CDH9: variants seen among roughly 807,000 people sequenced by gnomAD.
The protein encoded by CDH9 is cadherin 9, also known as cadherin-9.
A neutral mutation model predicts 70.9 loss-of-function variants in CDH9; 28 were observed. The ratio of observed to expected loss-of-function variants is 0.40; its 90% CI spans 0.29 to 0.54. The LOEUF (loss-of-function observed/expected upper bound fraction) is 0.54. Among genes scored for constraint, CDH9 ranks in the 20% least tolerant of loss-of-function variants. CDH9 has a pLI of 0.59. For synonymous variants in CDH9, 409 were observed against 343.1 expected (o/e 1.19, Z -2.12); for missense variants, 874 against 984.4 (o/e 0.89, Z 1.50).
rs1741135126 is a variant in CDH9 at position 26,915,652 on chromosome 5, A to G, written c.501T>C (p.Ser167=). The part of the protein sequence containing the change: ...PKFTKDLYTA[S]VPEMSGVGTS... ...TACCGACTCCAGACATTTCAGGAACACTGGCAGTGTATAAGTCTTTTGTAA... is the reference window on the plus strand; with the variant it reads ...TACCGACTCCAGACATTTCAGGAACGCTGGCAGTGTATAAGTCTTTTGTAA... Residue 167 remains serine (S), a synonymous_variant, in exon 3 of 12, where the codon AGT becomes AGC. Coordinates refer to ENST00000231021, the MANE Select transcript of CDH9 (RefSeq NM_016279.4). 6.3e-7 allele frequency: 1 copy of G among 1,599,788 alleles called. No individual in the cohort carries two copies. Among genetic ancestry groups the G allele is most frequent in the African/African-American group, 1.3e-5 (1 of 74,600 alleles).
chr5:26,923,985 G>T (rs1741292586), intron 2 of CDH9, among the ~76,000 whole-genome samples: 1 of 151,746 alleles, frequency 6.6e-6, no homozygotes, highest in Non-Finnish European at 1.5e-5. Flanking sequence ...TACATCATAA[G>T]ACACTGAAAA....
intron 1 of CDH9, among the ~76,000 whole-genome samples, chr5:26,989,676 T>C (rs771753381): frequency 1.3e-5 from 2 of 152,082 alleles, no homozygotes; most frequent in Non-Finnish European, 2.9e-5. Flanking sequence ...AATTGGAGTT[T>C]TAAAAATCCT....
chr5:26,914,967 G>C (rs114264965), intron 3 of CDH9, among the ~76,000 whole-genome samples: 488 of 151,976 alleles, frequency 3.2e-3, no homozygotes, highest in Middle Eastern at 6.8e-3. Context: ...ATAAAACTCC[G>C]CACAAGTGGT....
intron 1 of CDH9, among the ~76,000 whole-genome samples, chr5:27,006,161 G>A (rs1034381944): frequency 2.0e-5 from 3 of 151,728 alleles, no homozygotes; most frequent in South Asian, 2.1e-4. Context: ...AAGTACCCTC[G>A]AACCTATAAT....
intron 1 of CDH9, among the ~76,000 whole-genome samples, chr5:27,020,742 A>T (rs1216716227): frequency 6.7e-6 from 1 of 150,206 alleles, no homozygotes; most frequent in Admixed American, 6.6e-5. Context: ...ACACACACAC[A>T]CACACTATAT....
At chr5:26,913,851 G>C (rs1741097795) in intron 3 of CDH9, among the ~76,000 whole-genome samples, 1 of 151,056 alleles carries the variant, frequency 6.6e-6, no homozygotes, top group African/African-American at 2.4e-5. Flanking sequence ...AGTTGTATTA[G>C]TATTTCACAT....
At chr5:26,887,044 T>C (rs1740577621) in intron 9 of CDH9, among the ~76,000 whole-genome samples, 1 of 152,192 alleles carries the variant, frequency 6.6e-6, no homozygotes. Flanking sequence ...ATACCTTTTA[T>C]AACTATACTA....
At chr5:26,941,526 T>C (rs1233101279) in intron 2 of CDH9, among the ~76,000 whole-genome samples, 3 of 152,192 alleles carry the variant, frequency 2.0e-5, no homozygotes, top group Admixed American at 6.5e-5. Flanking sequence ...CTATTGCCTA[T>C]CACAGTTAGG....
intron 9 of CDH9, among the ~76,000 whole-genome samples, chr5:26,888,954 A>G (rs1740609274): frequency 6.6e-6 from 1 of 152,114 alleles, no homozygotes; most frequent in African/African-American, 2.4e-5. Context: ...CTTCATCTTA[A>G]TTACTTCTTT....
intron 2 of CDH9, among the ~76,000 whole-genome samples, chr5:26,954,946 G>T (rs1419911278): frequency 6.6e-6 from 1 of 152,054 alleles, no homozygotes; most frequent in Non-Finnish European, 1.5e-5. Flanking sequence ...GAGGTGGGAG[G>T]ACTGCTTCAG....
intron 2 of CDH9, among the ~76,000 whole-genome samples, chr5:26,942,523 T>C (rs77577537): frequency 0.016 from 2,489 of 152,290 alleles, 65 homozygotes; most frequent in African/African-American, 0.056. Flanking sequence ...ATTTAAACTA[T>C]AGTACTTGCT....
intron 2 of CDH9, among the ~76,000 whole-genome samples, chr5:26,922,704 CAT>C (rs1561196150): frequency 1.3e-5 from 2 of 151,876 alleles, no homozygotes; most frequent in African/African-American, 4.8e-5. Context: ...AATATTATAA[CAT>C]ATTATAAGAC....
intron 2 of CDH9, among the ~76,000 whole-genome samples, chr5:26,973,337 C>T (rs1359453702): frequency 2.0e-5 from 3 of 152,114 alleles, no homozygotes; most frequent in Admixed American, 2.0e-4. Flanking sequence ...CCACAATGGT[C>T]TGTTTAGCCT....
At chr5:26,948,084 G>A (rs947309840) in intron 2 of CDH9, among the ~76,000 whole-genome samples, 1 of 151,880 alleles carries the variant, frequency 6.6e-6, no homozygotes, top group Non-Finnish European at 1.5e-5. Flanking sequence ...AGACTTTTAG[G>A]CTATAGCCTT....
At chr5:27,019,882 G>A (rs1175631737) in intron 1 of CDH9, among the ~76,000 whole-genome samples, 1 of 151,622 alleles carries the variant, frequency 6.6e-6, no homozygotes, top group Non-Finnish European at 1.5e-5. Context: ...TACCACATAG[G>A]GAATTTGAAG....
intron 2 of CDH9, among the ~76,000 whole-genome samples, chr5:26,969,561 T>A (rs1289740099): frequency 6.6e-6 from 1 of 152,038 alleles, no homozygotes; most frequent in Non-Finnish European, 1.5e-5. Flanking sequence ...TTTTTGTAGG[T>A]TTTGAAATAA....
chr5:26,916,151 G>T (rs1211752248), intron 2 of CDH9, among the ~76,000 whole-genome samples: 1 of 151,834 alleles, frequency 6.6e-6, no homozygotes, highest in African/African-American at 2.4e-5. Context: ...TTAAAATAAT[G>T]TGAAAATTAA....
chr5:26,992,807 T>G (rs1464065100), intron 1 of CDH9, among the ~76,000 whole-genome samples: 2 of 152,058 alleles, frequency 1.3e-5, no homozygotes, highest in African/African-American at 4.8e-5. Context: ...CAAGAATATC[T>G]AAATAATGGC....
intron 2 of CDH9, among the ~76,000 whole-genome samples, chr5:26,930,010 A>G (rs1199451034): frequency 6.6e-6 from 1 of 151,828 alleles, no homozygotes; most frequent in Non-Finnish European, 1.5e-5. Context: ...TGTTTATAAC[A>G]CAGAGAAAGC....
Sources: gnomAD v4.1 joint callset for allele counts (sites outside exome capture counted in the v4.1 genomes callset) on GRCh38, gnomAD v4.1.1 for gene constraint, MANE v1.5 for transcripts, NCBI Gene and HGNC (gene_info 2026-07-23, HGNC 2026-07-21) for gene names.